Variants in STX8 observed in about 807,000 individuals in gnomAD.
The protein encoded by STX8 is syntaxin-8.
STX8 carries 23 observed loss-of-function variants against 37.5 expected under a neutral mutation model. That is an observed-to-expected ratio of 0.61 (90% CI 0.44 to 0.87). STX8 has a LOEUF of 0.87. STX8 is among the 40% of genes least tolerant of loss of function. The pLI is 0.00. For synonymous variants in STX8, 115 were observed against 99.1 expected, an observed-to-expected ratio of 1.16 and a Z score of -0.95; for missense variants, 313 against 284.7, an observed-to-expected ratio of 1.10 and a Z score of -0.71.
intron 7 of STX8, among the ~76,000 whole-genome samples, chr17:9,329,367 A>G (rs903146948): frequency 6.6e-6 from 1 of 152,172 alleles, no homozygotes; most frequent in African/African-American, 2.4e-5. Context: ...GGACCAGCTC[A>G]TTTTCCAACA....
At chr17:9,499,875 T>G (rs1904548614) in intron 5 of STX8, among the ~76,000 whole-genome samples, 1 of 152,176 alleles carries the variant, frequency 6.6e-6, no homozygotes, top group Non-Finnish European at 1.5e-5. Flanking sequence ...TTGAGGAGCA[T>G]CCTCTCACAC....
intron 3 of STX8, among the ~76,000 whole-genome samples, chr17:9,551,171 G>C (rs919681838): frequency 1.3e-5 from 2 of 152,172 alleles, no homozygotes; most frequent in African/African-American, 4.8e-5. Flanking sequence ...TGCCAAAAAA[G>C]AAGAACTGCA....
At chr17:9,279,628 C>T (rs1907806925) in intron 7 of STX8, among the ~76,000 whole-genome samples, 1 of 152,190 alleles carries the variant, frequency 6.6e-6, no homozygotes. Flanking sequence ...CAGCCAGGTG[C>T]CCAGCTCTAG....
intron 6 of STX8, among the ~76,000 whole-genome samples, chr17:9,432,909 T>C (rs1914028386): frequency 6.6e-6 from 1 of 152,360 alleles, no homozygotes; most frequent in African/African-American, 2.4e-5. Flanking sequence ...AAATTGTTTA[T>C]AGCTCAGGTG....
intron 4 of STX8, among the ~76,000 whole-genome samples, chr17:9,528,408 C>T (rs747897198): frequency 3.3e-5 from 5 of 152,222 alleles, no homozygotes; most frequent in Admixed American, 6.5e-5. Flanking sequence ...AGCGATTCTC[C>T]GGCCTTAGCC....
At chr17:9,428,407 A>AT (rs1458292359) in intron 6 of STX8, among the ~76,000 whole-genome samples, 2 of 152,052 alleles carry the variant, frequency 1.3e-5, no homozygotes, top group African/African-American at 2.4e-5. Flanking sequence ...CGCCCGGCTA[A>AT]TTTTTTGTAT....
At chr17:9,301,861 A>G (rs894221777) in intron 7 of STX8, among the ~76,000 whole-genome samples, 2 of 152,154 alleles carry the variant, frequency 1.3e-5, no homozygotes, top group African/African-American at 4.8e-5. Context: ...TAGGGTAACT[A>G]TATTCATAAG....
At chr17:9,320,730 T>TA (rs34009379) in intron 7 of STX8, among the ~76,000 whole-genome samples, 87 of 143,782 alleles carry the variant, frequency 6.1e-4, no homozygotes, top group South Asian at 2.2e-3. Context: ...TCATCTCTAT[T>TA]AAAAAAAAAA....
intron 2 of STX8, among the ~76,000 whole-genome samples, chr17:9,564,164 C>T (rs1907363212): frequency 6.6e-6 from 1 of 152,088 alleles, no homozygotes; most frequent in African/African-American, 2.4e-5. Context: ...GGCAGCATTC[C>T]ACTTGAAAAC....
rs571128966 is a variant in STX8, at chr17:9,556,630, T to TG, written c.212+803dup. On this transcript the variant is annotated intron_variant, in intron 3 of 7. Coordinates refer to ENST00000306357, the MANE Select transcript of STX8 (RefSeq NM_004853.3). Reference sequence around the variant, plus strand: ...CTAATTTTTATATTTTCAGTAGAGATGGGGTTTCACCATGTTGACCAGGCT... The same window carrying TG: ...CTAATTTTTATATTTTCAGTAGAGATGGGGGTTTCACCATGTTGACCAGGCT... Among the ~76,000 whole-genome samples, 118 of 151,328 alleles carry TG rather than the reference T, an allele frequency of 7.8e-4. 1 individual carries two copies. The East Asian group carries it at 0.02, about 25-fold the overall frequency.
At chr17:9,377,252 G>A (rs1911627718) in intron 7 of STX8, among the ~76,000 whole-genome samples, 1 of 152,064 alleles carries the variant, frequency 6.6e-6, no homozygotes, top group Non-Finnish European at 1.5e-5. Context: ...TGAAAGTTTG[G>A]CAAAGTATGT....
At chr17:9,438,635 AC>A (rs1904529425) in intron 6 of STX8, among the ~76,000 whole-genome samples, 1 of 152,080 alleles carries the variant, frequency 6.6e-6, no homozygotes. Flanking sequence ...CATACATAAC[AC>A]ACAGTCAAAC....
intron 6 of STX8, among the ~76,000 whole-genome samples, chr17:9,431,749 T>A (rs146418446): frequency 1.3e-5 from 2 of 152,306 alleles, no homozygotes; most frequent in Non-Finnish European, 2.9e-5. Flanking sequence ...AACAACATAG[T>A]GCCAAACGTT....
chr17:9,492,821 C>G (rs775481068), intron 5 of STX8, among the ~76,000 whole-genome samples: 1 of 152,108 alleles, frequency 6.6e-6, no homozygotes, highest in Non-Finnish European at 1.5e-5. Context: ...GGCAGCCAGT[C>G]GCGGTGGCTC....
At chr17:9,515,165 G>A (rs1395758923) in intron 4 of STX8, among the ~76,000 whole-genome samples, 1 of 152,174 alleles carries the variant, frequency 6.6e-6, no homozygotes, top group Admixed American at 6.5e-5. Context: ...TGTGCAAACT[G>A]TCTAATGTCG....
intron 7 of STX8, among the ~76,000 whole-genome samples, chr17:9,352,934 C>T (rs909477674): frequency 1.3e-5 from 2 of 151,492 alleles, no homozygotes; most frequent in Non-Finnish European, 2.9e-5. Flanking sequence ...CTCTGTTGCC[C>T]AGGCAACAGT....
At chr17:9,514,927 A>G (rs1049181398) in intron 4 of STX8, among the ~76,000 whole-genome samples, 2 of 152,218 alleles carry the variant, frequency 1.3e-5, no homozygotes, top group Non-Finnish European at 2.9e-5. Flanking sequence ...CTAATAGCAT[A>G]TCACCTACTG....
chr17:9,501,841 T>G (rs7405644), intron 5 of STX8, among the ~76,000 whole-genome samples: 108,153 of 151,558 alleles, frequency 0.71, 38,834 homozygotes, highest in Middle Eastern at 0.85. Flanking sequence ...TGGTGGTGGG[T>G]GCTTGTAGTC....
intron 4 of STX8, among the ~76,000 whole-genome samples, chr17:9,544,721 A>G (rs573677203): frequency 1.7e-4 from 26 of 152,330 alleles, no homozygotes; most frequent in Middle Eastern, 3.4e-3. Flanking sequence ...GGCCGGGCGC[A>G]GTGGCTCACA....
Sources: gnomAD v4.1 joint callset for allele counts (sites outside exome capture counted in the v4.1 genomes callset) on GRCh38, gnomAD v4.1.1 for gene constraint, MANE v1.5 for transcripts, NCBI Gene and HGNC (gene_info 2026-07-23, HGNC 2026-07-21) for gene names.